SP7: variants seen among roughly 807,000 people sequenced by gnomAD.
The protein encoded by SP7 is Sp7 transcription factor.
Under a neutral mutation model 27.9 loss-of-function variants are expected in SP7, and 13 were observed. The ratio of observed to expected loss-of-function variants is 0.47; its 90% CI spans 0.30 to 0.74. The LOEUF (loss-of-function observed/expected upper bound fraction) is 0.74. SP7 is among the 30% of genes least tolerant of loss of function. The pLI is 0.06. For missense variants in SP7, 525 were observed against 558.0 expected (o/e 0.94, Z 0.60); for synonymous variants, 219 against 226.7 (o/e 0.97, Z 0.31).
At position 53,344,413 on chromosome 12, in the gene SP7, T is replaced by C. The variant is rs1944845909; in HGVS notation, c.-34+701A>G. Reference sequence around the variant, plus strand: ...CTCCCTCTCCCCACCTTCCATCACCTCCCCTACATAGGAACCCGCTGTAAG... The same window carrying C: ...CTCCCTCTCCCCACCTTCCATCACCCCCCCTACATAGGAACCCGCTGTAAG... On this transcript the variant is annotated intron_variant, in intron 1 of 1. Coordinates refer to the SP7 transcript ENST00000547755. This position sits in a 1 kb window ranked among gnomAD's most constrained non-coding sequence, Gnocchi z 4.6. Among the ~76,000 whole-genome samples, 1 of 150,994 alleles carries C rather than the reference T, an allele frequency of 6.6e-6. No individual in the cohort carries two copies. The highest frequency in any genetic ancestry group is 6.6e-5 in the Admixed American group (1 of 15,156).
At chr12:53,340,405 G>T (rs534237264), upstream of SP7, among the ~76,000 whole-genome samples, 8 of 152,258 alleles carry the variant, frequency 5.3e-5, no homozygotes, top group African/African-American at 1.9e-4. Context: ...CCTGCAAATT[G>T]CTGCCTCCAA....
At chr12:53,339,738 A>AAT (rs1251306818), upstream of SP7, among the ~76,000 whole-genome samples, 1 of 145,830 alleles carries the variant, frequency 6.9e-6, no homozygotes, top group Non-Finnish European at 1.5e-5. Flanking sequence ...AAAAAAAAAA[A>AAT]AAGAAAGAAA....
At chr12:53,343,989 A>G (rs970365664) in intron 1 of SP7, among the ~76,000 whole-genome samples, 1 of 152,144 alleles carries the variant, frequency 6.6e-6, no homozygotes. Flanking sequence ...CGGAGGTTGC[A>G]GTGAGCTGAG....
At chr12:53,335,424 C>T (rs1277394086) in intron 2 of SP7, among the ~76,000 whole-genome samples, 6 of 151,792 alleles carry the variant, frequency 4.0e-5, no homozygotes, top group African/African-American at 1.5e-4. Context: ...GCCCTCTGAC[C>T]CCTGGCCCTA....
chr12:53,339,068 G>A (rs928578704), upstream of SP7, among the ~76,000 whole-genome samples: 4 of 152,198 alleles, frequency 2.6e-5, no homozygotes, highest in Non-Finnish European at 5.9e-5. Context: ...AGGGAGAGGC[G>A]CCATGTGGCA....
intron 2 of SP7, 123 bp from the exon 3 acceptor site, chr12:53,329,543 A>G: frequency 1.2e-6 from 1 of 805,406 alleles, no homozygotes; most frequent in Non-Finnish European, 2.0e-6. Flanking sequence ...GAAGAGTTGA[A>G]GAGGGTGGAG....
chr12:53,336,892 G>A (rs558964127), upstream of SP7, among the ~76,000 whole-genome samples: 2 of 152,252 alleles, frequency 1.3e-5, no homozygotes, highest in African/African-American at 4.8e-5. Context: ...GGAAGGCTTG[G>A]TATTGGCTTG....
At chr12:53,341,921 G>A (rs1398338991) in intron 1 of SP7, among the ~76,000 whole-genome samples, 2 of 152,118 alleles carry the variant, frequency 1.3e-5, no homozygotes, top group Non-Finnish European at 2.9e-5. Context: ...TTAGCCGGGC[G>A]TGGTGGCGGG....
At chr12:53,335,756 G>A in intron 1 of SP7, 63 bp from the exon 2 acceptor site, 1 of 1,282,120 alleles carries the variant, frequency 7.8e-7, no homozygotes, top group East Asian at 4.3e-5. Context: ...TGGGAGAATG[G>A]GAGAGAAGAG....
upstream of SP7, among the ~76,000 whole-genome samples, chr12:53,338,325 C>T (rs1443088462): frequency 6.6e-6 from 1 of 152,060 alleles, no homozygotes; most frequent in Non-Finnish European, 1.5e-5. Context: ...GATGGCTTTC[C>T]GGGGCCCCGA....
rs112778209 is a variant in SP7 at position 53,327,667 on chromosome 12, A to C, written c.*479T>G. 767 of 158,364 alleles carry C rather than the reference A, an allele frequency of 4.8e-3. 5 individuals are homozygous for C. Among genetic ancestry groups the C allele is most frequent in the African/African-American group, 0.018 (740 of 41,662 alleles). The allele number at this position is 158,364 out of a possible 1,614,324, so 9.8% of individuals were successfully genotyped here. On this transcript the variant is annotated 3_prime_UTR_variant, in exon 3 of 3. Coordinates refer to ENST00000536324, the MANE Select transcript of SP7 (RefSeq NM_001173467.3). Reference sequence around the variant, plus strand: ...ATGAAGAGGCCACCAGGGGGCAATAAATTATCATTATCATTGTGTTTGTAA... The same window carrying C: ...ATGAAGAGGCCACCAGGGGGCAATACATTATCATTATCATTGTGTTTGTAA...
At chr12:53,340,735 G>C (rs1407580429), upstream of SP7, among the ~76,000 whole-genome samples, 3 of 152,172 alleles carry the variant, frequency 2.0e-5, no homozygotes, top group African/African-American at 7.2e-5. Flanking sequence ...CAGCGACAGA[G>C]AACATAGAGG....
In SP7 at chr12:53,328,782, G is replaced by A. The variant is rs1194632240; in HGVS notation, c.660C>T (p.Pro220=). Residue 220 remains proline, a synonymous_variant, in exon 3 of 3, where the codon CCC becomes CCT. Transcript: ENST00000536324. The surrounding 1 kb of genome is among the most constrained non-coding windows in gnomAD (Gnocchi z 5.1). The part of the protein sequence containing the change: ...YPAPHLLQPG[P]QHVLPQDVYK... ...AGACATCTTGGGGCAAGACATGCTGGGGCCCTGGTTGCAAGAGGTGGGGAG... is the reference window on the plus strand; with the variant it reads ...AGACATCTTGGGGCAAGACATGCTGAGGCCCTGGTTGCAAGAGGTGGGGAG... 1 of 1,599,246 alleles carries A rather than the reference G, an allele frequency of 6.3e-7. No individual in the cohort carries two copies.
Position 53,328,432 on chromosome 12 carries a change from C to T in SP7, c.1010G>A (p.Arg337His), listed in dbSNP as rs750133209. The T allele has an allele frequency of 2.9e-5, 46 of 1,613,818 alleles. No homozygotes were observed. Among genetic ancestry groups the T allele is most frequent in the Admixed American group, 1.3e-4 (8 of 60,004 alleles). The change falls in exon 3 of 3, where the codon CGT becomes CAT. Residue 337 changes from arginine (R) to histidine (H), a missense_variant. Physicochemically the swap from Arg to His is conservative, Grantham distance 29. Coordinates refer to ENST00000536324, the MANE Select transcript of SP7 (RefSeq NM_001173467.3). This position sits in a 1 kb window ranked among gnomAD's most constrained non-coding sequence, Gnocchi z 5.1. The stretch of plus-strand genomic sequence containing the variant: ...CACATGACGCTCCAGCTCATCCGAA[C>T]GAGTGAACCTCTTGCCGCAGAAGAG... ...NWLFCGKRFTRSDELERHVRT... is the reference protein window; with the variant it reads ...NWLFCGKRFTHSDELERHVRT...
chr12:53,332,655 TAAG>T (rs959497989), intron 2 of SP7, among the ~76,000 whole-genome samples: 4 of 150,380 alleles, frequency 2.7e-5, no homozygotes, highest in Admixed American at 2.6e-4. Flanking sequence ...AGACACAAAC[TAAG>T]AAGGAGAGAT....
chr12:53,342,840 T>A (rs1392705877), intron 1 of SP7, among the ~76,000 whole-genome samples: 2 of 149,850 alleles, frequency 1.3e-5, no homozygotes, highest in African/African-American at 4.9e-5. Context: ...AAATAAATAA[T>A]AAATAATAAA....
intron 1 of SP7, among the ~76,000 whole-genome samples, chr12:53,343,395 A>T (rs1944839440): frequency 6.6e-6 from 1 of 152,138 alleles, no homozygotes; most frequent in Non-Finnish European, 1.5e-5. Flanking sequence ...TATATTAGAG[A>T]AATGACTGAC....
chr12:53,329,231 T>G lies in SP7; in HGVS notation c.211A>C (p.Thr71Pro). 2.5e-6 allele frequency: 4 copies of G among 1,613,674 alleles called. No individual in the cohort carries two copies. Among genetic ancestry groups the G allele is most frequent in the Non-Finnish European group, 3.4e-6 (4 of 1,179,848 alleles). ...GDAYPAPFTS[T>P]NGLLSPAGSP... Reference sequence around the variant, plus strand: ...CCTGCAGGTGAAAGGAGCCCATTAGTGCTTGTAAAGGGGGCTGGATAAGCA... The same window carrying G: ...CCTGCAGGTGAAAGGAGCCCATTAGGGCTTGTAAAGGGGGCTGGATAAGCA... The change falls in exon 3 of 3, where the codon ACT (threonine) becomes CCT (proline). Residue 71 changes from threonine (T) to proline (P), a missense_variant. Coordinates refer to ENST00000536324, the MANE Select transcript of SP7 (RefSeq NM_001173467.3).
At chr12:53,342,921 G>A (rs1404775446) in intron 1 of SP7, among the ~76,000 whole-genome samples, 1 of 151,794 alleles carries the variant, frequency 6.6e-6, no homozygotes, top group East Asian at 1.9e-4. Flanking sequence ...CCAGTGTTGG[G>A]GGGGAATTAA....
Sources: gnomAD v4.1 joint callset for allele counts (sites outside exome capture counted in the v4.1 genomes callset) on GRCh38, gnomAD v4.1.1 for gene constraint, Gnocchi (gnomAD v3.1) non-coding constraint, MANE v1.5 for transcripts, NCBI Gene and HGNC (gene_info 2026-07-23, HGNC 2026-07-21) for gene names.